Variants in ACP3 observed in about 807,000 individuals in gnomAD.
ACP3 encodes prostatic acid phosphatase.
In ACP3, 38 loss-of-function variants were observed where a neutral mutation model predicts 45.6. The observed-to-expected ratio is 0.83, with a 90% CI of 0.64 to 1.09. The LOEUF is 1.09. ACP3 is among the 50% of genes least tolerant of loss of function. ACP3 has a pLI of 0.00. For synonymous variants in ACP3, 162 were observed against 164.7 expected, an observed-to-expected ratio of 0.98 and a Z score of 0.13; for missense variants, 466 against 463.2, an observed-to-expected ratio of 1.01 and a Z score of -0.05.
intron 7 of ACP3, among the ~76,000 whole-genome samples, chr3:132,347,776 C>T (rs1937628971): frequency 6.6e-6 from 1 of 151,544 alleles, no homozygotes; most frequent in South Asian, 2.1e-4. Context: ...AACTACTGTG[C>T]CCAGTCTAGA....
intron 9 of ACP3, among the ~76,000 whole-genome samples, chr3:132,355,575 TGGCGTGATCTCG>T (rs1333458827): frequency 2.0e-5 from 3 of 151,942 alleles, no homozygotes; most frequent in Non-Finnish European, 4.4e-5. Flanking sequence ...TAGAGTGTAG[TGGCGTGATCTCG>T]GCTAACTGCA....
intron 4 of ACP3, chr3:132,333,375 G>T (rs900827084): frequency 1.3e-5 from 2 of 152,616 alleles, no homozygotes; most frequent in African/African-American, 4.8e-5. Context: ...AATAGTTTGG[G>T]ACAAAGAATC....
In ACP3 at chr3:132,357,114, C is replaced by T; in HGVS notation, c.*236C>T. The T allele has an allele frequency of 5.7e-6, 7 of 1,236,210 alleles. No homozygotes were observed. Among genetic ancestry groups the T allele is most frequent in the Non-Finnish European group, 7.1e-6 (7 of 983,920 alleles). The allele number at this position is 1,236,210 out of a possible 1,614,324, so 76.6% of individuals were successfully genotyped here. A position where few individuals can be genotyped will look rare whatever the true frequency, so the allele number is the denominator to read the frequency against. ...GTTTTTCAGCGTTAATGTAAAGGGG[C>T]AGCAGTGCCAAAATATAATCAGAGA... On this transcript the variant is annotated 3_prime_UTR_variant, in exon 10 of 10. Coordinates refer to ENST00000336375, the MANE Select transcript of ACP3 (RefSeq NM_001099.5).
At chr3:132,340,653 A>C (rs913068812) in intron 5 of ACP3, among the ~76,000 whole-genome samples, 4 of 152,120 alleles carry the variant, frequency 2.6e-5, no homozygotes, top group African/African-American at 9.7e-5. Context: ...TTGTTTATTG[A>C]ATAGTTCATT....
rs1937922654 is a variant in ACP3, at chr3:132,357,018, C to T, written c.*140C>T. 2.2e-6 allele frequency: 3 copies of T among 1,395,294 alleles called. No homozygotes were observed. Among genetic ancestry groups the T allele is most frequent in the Admixed American group, 3.2e-5 (1 of 31,608 alleles). 86.4% of individuals were successfully genotyped at this position (1,395,294 alleles called of 1,614,324 possible). On this transcript the variant is annotated 3_prime_UTR_variant, in exon 10 of 10. Transcript: ENST00000336375. Reference sequence around the variant, plus strand: ...TATTTTATGTTTTAGGGACCCCCAACCTCAGGCAATTCCTACCTCTTCACC... The same window carrying T: ...TATTTTATGTTTTAGGGACCCCCAATCTCAGGCAATTCCTACCTCTTCACC...
chr3:132,340,773 A>G (rs1039064595), intron 5 of ACP3, among the ~76,000 whole-genome samples: 1 of 152,182 alleles, frequency 6.6e-6, no homozygotes, highest in African/African-American at 2.4e-5. Flanking sequence ...TTGGGTTTTA[A>G]CTATTAAGAC....
At position 132,357,461 on chromosome 3, in the gene ACP3, T is replaced by C; in HGVS notation, c.*583T>C. 2 of 985,416 alleles carry C rather than the reference T, an allele frequency of 2.0e-6. No individual in the cohort carries two copies. Among genetic ancestry groups the C allele is most frequent in the Non-Finnish European group, 2.4e-6 (2 of 829,886 alleles). 61.0% of individuals were successfully genotyped at this position (985,416 alleles called of 1,614,324 possible). On this transcript the variant is annotated 3_prime_UTR_variant, in exon 10 of 10. Coordinates refer to ENST00000336375, the MANE Select transcript of ACP3 (RefSeq NM_001099.5). ...CTGGAAAACTGCTACTATCTGTTTT[T>C]ATATTTCTGTTAAAATATATGAGGC...
chr3:132,365,934 G>T (rs1230397905), intron 10 of ACP3, among the ~76,000 whole-genome samples: 3 of 151,978 alleles, frequency 2.0e-5, no homozygotes, highest in African/African-American at 7.3e-5. Flanking sequence ...AGGTTGCAGT[G>T]AGCCGAGATG....
At chr3:132,339,450 C>T (rs1418032408) in intron 5 of ACP3, among the ~76,000 whole-genome samples, 1 of 152,142 alleles carries the variant, frequency 6.6e-6, no homozygotes, top group Non-Finnish European at 1.5e-5. Context: ...AGGGCTCAGG[C>T]CCCAAAACTG....
chr3:132,332,826 T>C (rs943397913), intron 4 of ACP3, among the ~76,000 whole-genome samples: 4 of 152,254 alleles, frequency 2.6e-5, no homozygotes, highest in Non-Finnish European at 4.4e-5. Flanking sequence ...TTTATGTGAA[T>C]CATTGTGTTA....
chr3:132,331,827 C>G, intron 3 of ACP3, 94 bp downstream of exon 3: 1 of 1,117,690 alleles, frequency 8.9e-7, no homozygotes, highest in Non-Finnish European at 1.3e-6. Flanking sequence ...TTCCAAGGAA[C>G]TTATACAAGT....
At chr3:132,362,150 C>T (rs920898666), downstream of ACP3, among the ~76,000 whole-genome samples, 25 of 151,990 alleles carry the variant, frequency 1.6e-4, no homozygotes, top group African/African-American at 6.0e-4. Context: ...TTTTGAAAGC[C>T]ATCAGTGTCT....
chr3:132,331,795 A>G (rs1559831299), intron 3 of ACP3, 62 bp downstream of exon 3: 3 of 1,365,222 alleles, frequency 2.2e-6, no homozygotes, highest in Non-Finnish European at 3.1e-6. Flanking sequence ...AATTCTGCAT[A>G]TATAAAAGTG....
At chr3:132,362,683 A>G (rs925614303), downstream of ACP3, among the ~76,000 whole-genome samples, 8 of 152,364 alleles carry the variant, frequency 5.3e-5, no homozygotes, top group South Asian at 8.3e-4. Flanking sequence ...TCAAACTGAA[A>G]CCTGAAGGAG....
chr3:132,366,837 A>T (rs1207606360), intron 10 of ACP3, among the ~76,000 whole-genome samples: 1 of 152,222 alleles, frequency 6.6e-6, no homozygotes, highest in African/African-American at 2.4e-5. Flanking sequence ...CCATAACCAG[A>T]TTATCTAATT....
At chr3:132,344,689 T>C (rs539922944) in intron 6 of ACP3, among the ~76,000 whole-genome samples, 3 of 152,308 alleles carry the variant, frequency 2.0e-5, no homozygotes, top group African/African-American at 7.2e-5. Flanking sequence ...AGCCACCCAC[T>C]GATCCAGAGT....
At chr3:132,354,289 T>G (rs1370873226) in intron 9 of ACP3, among the ~76,000 whole-genome samples, 1 of 152,118 alleles carries the variant, frequency 6.6e-6, no homozygotes, top group African/African-American at 2.4e-5. Flanking sequence ...CTCTGGTTTC[T>G]GGACCCCAGT....
At chr3:132,330,728 C>T (rs1937385016) in intron 2 of ACP3, among the ~76,000 whole-genome samples, 1 of 152,138 alleles carries the variant, frequency 6.6e-6, no homozygotes, top group African/African-American at 2.4e-5. Context: ...GCAGCAGCCA[C>T]CGTAACAACC....
At chr3:132,334,821 C>A (rs1261416212) in intron 4 of ACP3, among the ~76,000 whole-genome samples, 1 of 152,176 alleles carries the variant, frequency 6.6e-6, no homozygotes, top group Non-Finnish European at 1.5e-5. Context: ...AGAAGGAGGG[C>A]TGAATTTGAA....
Sources: gnomAD v4.1 joint callset for allele counts (sites outside exome capture counted in the v4.1 genomes callset) on GRCh38, gnomAD v4.1.1 for gene constraint, MANE v1.5 for transcripts, NCBI Gene and HGNC (gene_info 2026-07-23, HGNC 2026-07-21) for gene names.